SDK1: variants seen among roughly 807,000 people sequenced by gnomAD.
SDK1 encodes the protein protein sidekick-1.
SDK1 carries 157 observed loss-of-function variants against 245.5 expected under a neutral mutation model. The observed-to-expected ratio is 0.64, with a 90% CI of 0.56 to 0.73. The LOEUF is 0.73. Ranked by LOEUF, SDK1 falls within the 30% of genes least tolerant of loss-of-function variation. The pLI, the probability that SDK1 is intolerant of heterozygous loss-of-function variation, is 0.00. For missense variants in SDK1, 3,583 were observed against 3,002.3 expected (o/e 1.19, Z -4.52); for synonymous variants, 1,647 against 1,278.5 (o/e 1.29, Z -6.15).
chr7:3,677,516 C>T (rs553155557), intron 4 of SDK1, among the ~76,000 whole-genome samples: 82 of 152,254 alleles, frequency 5.4e-4, no homozygotes, highest in Non-Finnish European at 8.5e-4. Context: ...CATCAGATCT[C>T]GTGAGACTTA....
intron 21 of SDK1, among the ~76,000 whole-genome samples, 174 bp downstream of exon 21, chr7:4,077,363 C>T (rs1268164812): frequency 2.6e-5 from 4 of 152,364 alleles, no homozygotes; most frequent in Admixed American, 2.0e-4. Context: ...CAGCCCCATT[C>T]TCCAGAGCAT....
At position 3,618,963 on chromosome 7, in the gene SDK1, C is replaced by G. The variant is rs558250291; in HGVS notation, c.299-117C>G. 39 of 815,466 alleles carry G rather than the reference C, an allele frequency of 4.8e-5. No homozygotes were observed. The East Asian group carries it at 1.0e-3, about 22-fold the overall frequency. The allele number at this position is 815,466 out of a possible 1,614,324, so 50.5% of individuals were successfully genotyped here. A position where few individuals can be genotyped will look rare whatever the true frequency, so the allele number is the denominator to read the frequency against. On this transcript the variant is annotated intron_variant, in intron 1 of 44. Coordinates refer to ENST00000404826, the MANE Select transcript of SDK1 (RefSeq NM_152744.4). ...TTATTTACTTCTTAATTGGGCCAAA[C>G]AGCCATCACTTTCATTTTAATATTA... is the stretch of plus-strand genomic sequence containing the variant.
intron 1 of SDK1, among the ~76,000 whole-genome samples, chr7:3,593,584 C>G (rs1022881553): frequency 2.0e-5 from 3 of 152,184 alleles, no homozygotes; most frequent in African/African-American, 7.2e-5. Context: ...AGCTAAGGAC[C>G]TGGACTAAAA....
At chr7:3,474,676 G>C (rs185913638) in intron 1 of SDK1, among the ~76,000 whole-genome samples, 3 of 151,684 alleles carry the variant, frequency 2.0e-5, no homozygotes, top group Admixed American at 2.0e-4. Flanking sequence ...TTGCCATCTC[G>C]CACCTGGGTC....
intron 1 of SDK1, among the ~76,000 whole-genome samples, chr7:3,602,766 A>C (rs1332108945): frequency 1.3e-5 from 2 of 152,174 alleles, no homozygotes; most frequent in African/African-American, 4.8e-5. Flanking sequence ...CTATGTCCTC[A>C]ATGGTATTGC....
intron 5 of SDK1, among the ~76,000 whole-genome samples, chr7:3,932,500 C>G (rs537127949): frequency 1.3e-5 from 2 of 152,304 alleles, no homozygotes; most frequent in East Asian, 1.9e-4. Context: ...GCAGAGTACT[C>G]TATTCTTGCA....
At chr7:3,787,385 G>A (rs1177208506) in intron 4 of SDK1, among the ~76,000 whole-genome samples, 2 of 152,282 alleles carry the variant, frequency 1.3e-5, no homozygotes, top group East Asian at 3.9e-4. Context: ...AAAGGTGACA[G>A]AGCGTAGCAA....
At chr7:3,356,822 C>A (rs1583735113) in intron 1 of SDK1, among the ~76,000 whole-genome samples, 1 of 151,988 alleles carries the variant, frequency 6.6e-6, no homozygotes, top group East Asian at 1.9e-4. Context: ...CTTTGGGAGG[C>A]CGAGGCCAGT....
At chr7:3,472,497 T>C (rs192234011) in intron 1 of SDK1, among the ~76,000 whole-genome samples, 83 of 152,336 alleles carry the variant, frequency 5.4e-4, no homozygotes, top group African/African-American at 1.9e-3. Context: ...TGTTAAGATA[T>C]GTTTTAAAAG....
At chr7:3,519,928 T>C (rs1045459209) in intron 1 of SDK1, among the ~76,000 whole-genome samples, 4 of 152,192 alleles carry the variant, frequency 2.6e-5, no homozygotes, top group African/African-American at 9.6e-5. Flanking sequence ...CAAGAGAATA[T>C]TAATAGTACT....
chr7:3,795,668 G>C (rs2115028677), intron 4 of SDK1, among the ~76,000 whole-genome samples: 1 of 152,108 alleles, frequency 6.6e-6, no homozygotes, highest in South Asian at 2.1e-4. Context: ...TGATGTATTA[G>C]AACCCATCAC....
chr7:3,954,676 C>T (rs1315553530), intron 7 of SDK1, among the ~76,000 whole-genome samples: 1 of 147,682 alleles, frequency 6.8e-6, no homozygotes, highest in South Asian at 2.3e-4. Context: ...CCCTTCTACA[C>T]CCTCTACACT....
At chr7:3,599,300 C>T (rs916780505) in intron 1 of SDK1, among the ~76,000 whole-genome samples, 2 of 151,848 alleles carry the variant, frequency 1.3e-5, no homozygotes, top group East Asian at 3.9e-4. Flanking sequence ...ATATCTTTTG[C>T]TCATTTTCTA....
intron 30 of SDK1, 42 bp from the exon 31 acceptor site, chr7:4,158,406 G>A (rs558446134): frequency 4.6e-6 from 7 of 1,506,890 alleles, no homozygotes; most frequent in Admixed American, 1.7e-5. Context: ...GGCAGGACAG[G>A]GTGGCAGGGC....
chr7:4,049,299 G>A (rs771800097), intron 17 of SDK1, 49 bp from the exon 18 acceptor site: 1 of 1,428,486 alleles, frequency 7.0e-7, no homozygotes, highest in Non-Finnish European at 9.9e-7. Flanking sequence ...CCACCCCATG[G>A]TCCCTCCTGC....
chr7:3,913,292 C>CTTT lies in SDK1; in HGVS notation c.848-37614_848-37612dup, dbSNP rs1290723820. ...CCTCTGACCTTTCTCTTACACTTATCTTTTTTTTTTTTTTTTTTTGAGATG... is the reference window on the plus strand; with the variant it reads ...CCTCTGACCTTTCTCTTACACTTATCTTTTTTTTTTTTTTTTTTTTTTGAGATG... On this transcript the variant is annotated intron_variant, in intron 5 of 44. Coordinates refer to ENST00000404826, the MANE Select transcript of SDK1 (RefSeq NM_152744.4). Among the ~76,000 whole-genome samples the CTTT allele has an allele frequency of 2.0e-3, 275 of 135,172 alleles. 3 individuals are homozygous for CTTT. The highest frequency in any genetic ancestry group is 7.2e-3 in the African/African-American group (256 of 35,548). 88.7% of individuals were successfully genotyped at this position (135,172 alleles called of 152,430 possible).
intron 1 of SDK1, among the ~76,000 whole-genome samples, chr7:3,555,742 G>A (rs1466608145): frequency 6.6e-6 from 1 of 152,066 alleles, no homozygotes; most frequent in African/African-American, 2.4e-5. Context: ...TTAATAATCT[G>A]ATTAAAAAAT....
intron 19 of SDK1, among the ~76,000 whole-genome samples, chr7:4,066,258 A>T (rs915586592): frequency 6.6e-6 from 1 of 151,868 alleles, no homozygotes; most frequent in Admixed American, 6.6e-5. Context: ...GCATGGGGGC[A>T]TTGTCAGAGA....
At chr7:3,617,849 C>T (rs1781817459) in intron 1 of SDK1, among the ~76,000 whole-genome samples, 1 of 152,120 alleles carries the variant, frequency 6.6e-6, no homozygotes, top group Admixed American at 6.5e-5. Flanking sequence ...CATCACATTT[C>T]ATCATGAGTT....
Sources: gnomAD v4.1 joint callset for allele counts (sites outside exome capture counted in the v4.1 genomes callset) on GRCh38, gnomAD v4.1.1 for gene constraint, MANE v1.5 for transcripts, NCBI Gene and HGNC (gene_info 2026-07-23, HGNC 2026-07-21) for gene names.